The following CSGALNACT1 variants were observed in gnomAD, a reference collection of about 807,000 sequenced individuals.
CSGALNACT1 encodes the protein beta4GalNAcT-1.
In CSGALNACT1, 52 loss-of-function variants were observed where a neutral mutation model predicts 51.0. That is an observed-to-expected ratio of 1.02 (90% CI 0.82 to 1.29). The LOEUF (loss-of-function observed/expected upper bound fraction) is 1.29. Among genes scored for constraint, CSGALNACT1 ranks in the 50% most tolerant of loss-of-function variants. The pLI is 0.00. For missense variants in CSGALNACT1, 935 were observed against 679.2 expected, an observed-to-expected ratio of 1.38 and a Z score of -4.19; for synonymous variants, 341 against 254.4, an observed-to-expected ratio of 1.34 and a Z score of -3.24.
intron 3 of CSGALNACT1, among the ~76,000 whole-genome samples, chr8:19,517,574 T>C (rs368214704): frequency 1.3e-5 from 2 of 152,178 alleles, no homozygotes; most frequent in African/African-American, 2.4e-5. Flanking sequence ...GAGTGGGTCA[T>C]TTATAAAGAA....
intron 1 of CSGALNACT1, among the ~76,000 whole-genome samples, chr8:19,642,976 G>A (rs1250121067): frequency 6.6e-6 from 1 of 151,990 alleles, no homozygotes; most frequent in Non-Finnish European, 1.5e-5. Flanking sequence ...CCCATTACAG[G>A]AGCTGGAAGA....
At chr8:19,555,984 C>A (rs1588280352) in intron 3 of CSGALNACT1, among the ~76,000 whole-genome samples, 1 of 152,250 alleles carries the variant, frequency 6.6e-6, no homozygotes, top group Non-Finnish European at 1.5e-5. Flanking sequence ...CAGGAACCGG[C>A]ATTCTGTGGT....
At chr8:19,536,392 C>A (rs899708986) in intron 3 of CSGALNACT1, among the ~76,000 whole-genome samples, 4 of 151,930 alleles carry the variant, frequency 2.6e-5, no homozygotes, top group East Asian at 1.9e-4. Context: ...CATATGGACA[C>A]TGAAATTAAA....
rs1046297510 is a variant in CSGALNACT1, at chr8:19,672,738, C to T, written c.-544+9735G>A. Among the ~76,000 whole-genome samples the T allele has an allele frequency of 3.9e-5, 6 of 151,916 alleles. No individual in the cohort carries two copies. In the South Asian group the frequency reaches 6.2e-4, roughly 16 times the overall value. On this transcript the variant is annotated intron_variant, in intron 1 of 9. Coordinates refer to the CSGALNACT1 transcript ENST00000332246. ...CATAGTATTTAGCTGCTGCTCTTAT[C>T]AAAAAGAAACTTATTTTTTATACTG...
intron 3 of CSGALNACT1, among the ~76,000 whole-genome samples, chr8:19,588,221 A>G (rs556708248): frequency 5.3e-5 from 8 of 152,244 alleles, no homozygotes; most frequent in Admixed American, 2.0e-4. Context: ...AAAAAAGAAA[A>G]AAAAAGATAT....
intron 2 of CSGALNACT1, among the ~76,000 whole-genome samples, chr8:19,596,461 G>A (rs1308252087): frequency 1.3e-5 from 2 of 151,950 alleles, no homozygotes; most frequent in South Asian, 2.1e-4. Flanking sequence ...AATCACAAAA[G>A]TAATTTTTAA....
intron 3 of CSGALNACT1, among the ~76,000 whole-genome samples, chr8:19,559,992 A>C (rs1214894878): frequency 2.0e-5 from 3 of 152,240 alleles, no homozygotes; most frequent in African/African-American, 2.4e-5. Context: ...AGACTCACTT[A>C]AGAAGACGCA....
intron 4 of CSGALNACT1, among the ~76,000 whole-genome samples, chr8:19,487,720 C>G (rs1331253548): frequency 1.3e-5 from 2 of 152,104 alleles, no homozygotes; most frequent in African/African-American, 4.8e-5. Flanking sequence ...AAGGGTGTTT[C>G]CATATGCAGA....
intron 1 of CSGALNACT1, among the ~76,000 whole-genome samples, chr8:19,713,538 C>G (rs1458962496): frequency 6.6e-6 from 1 of 152,184 alleles, no homozygotes; most frequent in African/African-American, 2.4e-5. Context: ...TGAGGCCATA[C>G]CGGAGCAAGT....
chr8:19,465,781 G>T (rs1289234626), intron 4 of CSGALNACT1, among the ~76,000 whole-genome samples: 1 of 152,184 alleles, frequency 6.6e-6, no homozygotes, highest in Non-Finnish European at 1.5e-5. Flanking sequence ...TCACAGATGA[G>T]CAAAATGAGA....
intron 5 of CSGALNACT1, among the ~76,000 whole-genome samples, chr8:19,442,358 GCACATATA>G (rs2061448631): frequency 6.6e-6 from 1 of 152,152 alleles, no homozygotes; most frequent in East Asian, 1.9e-4. Context: ...AGAAAATGTG[GCACATATA>G]CACCATGGAA....
At chr8:19,482,431 C>G (rs180786123) in intron 4 of CSGALNACT1, among the ~76,000 whole-genome samples, 86 of 152,286 alleles carry the variant, frequency 5.6e-4, no homozygotes, top group African/African-American at 2.0e-3. Flanking sequence ...TACCACTCCA[C>G]TGATGATGTT....
At chr8:19,683,824 A>G (rs1456696373), upstream of CSGALNACT1, among the ~76,000 whole-genome samples, 4 of 152,078 alleles carry the variant, frequency 2.6e-5, no homozygotes, top group Admixed American at 1.3e-4. Flanking sequence ...TTTTTAAGGA[A>G]AAGCTATTGA....
intron 6 of CSGALNACT1, among the ~76,000 whole-genome samples, chr8:19,434,026 A>C (rs1248208156): frequency 2.0e-5 from 3 of 152,150 alleles, no homozygotes; most frequent in Non-Finnish European, 4.4e-5. Context: ...GAGCAAGTTA[A>C]ACCTCCATAA....
At chr8:19,713,820 G>A (rs4922093) in intron 1 of CSGALNACT1, among the ~76,000 whole-genome samples, 60,109 of 152,034 alleles carry the variant, frequency 0.4, 12,407 homozygotes, top group East Asian at 0.65. Flanking sequence ...ATTTCAATAC[G>A]TTTTTGCTAC....
intron 1 of CSGALNACT1, among the ~76,000 whole-genome samples, chr8:19,609,676 G>A (rs1033049723): frequency 1.3e-5 from 2 of 152,036 alleles, no homozygotes; most frequent in African/African-American, 4.8e-5. Context: ...GAGGGGCAAA[G>A]AAGGACCCAG....
At chr8:19,580,377 T>C (rs544155854) in intron 3 of CSGALNACT1, among the ~76,000 whole-genome samples, 1 of 152,116 alleles carries the variant, frequency 6.6e-6, no homozygotes, top group Non-Finnish European at 1.5e-5. Context: ...AACTTAAGAG[T>C]TGACATTTAG....
chr8:19,496,927 G>A (rs1314454770), intron 4 of CSGALNACT1, among the ~76,000 whole-genome samples: 3 of 152,194 alleles, frequency 2.0e-5, no homozygotes, highest in Non-Finnish European at 2.9e-5. Flanking sequence ...CTGTGCAGCC[G>A]GCGGGAGGGG....
At chr8:19,460,516 G>T (rs994575407) in intron 4 of CSGALNACT1, among the ~76,000 whole-genome samples, 1 of 152,128 alleles carries the variant, frequency 6.6e-6, no homozygotes, top group Admixed American at 6.5e-5. Flanking sequence ...CAGTACCATG[G>T]ATTCTATTCA....
Sources: allele counts gnomAD v4.1 joint callset (sites outside exome capture counted in the v4.1 genomes callset), GRCh38; gene constraint gnomAD v4.1.1; transcripts MANE v1.5; gene names NCBI Gene and HGNC (gene_info 2026-07-23, HGNC 2026-07-21).